The following GRIA3 variants were observed in gnomAD, a reference collection of about 807,000 sequenced individuals.
The protein encoded by GRIA3 is glutamate ionotropic receptor AMPA type subunit 3.
Under a neutral mutation model 63.0 loss-of-function variants are expected in GRIA3, and 3 were observed. That is an observed-to-expected ratio of 0.05 (90% CI 0.02 to 0.12). The LOEUF (loss-of-function observed/expected upper bound fraction) is 0.12. GRIA3 is among the 10% of genes least tolerant of loss of function. The probability of loss-of-function intolerance (pLI) is 1.00; values close to 1 mark genes in which losing one functional copy is unlikely to be tolerated. For missense variants in GRIA3, 347 were observed against 700.9 expected (o/e 0.50, Z 5.70); for synonymous variants, 274 against 257.9 (o/e 1.06, Z -0.60).
intron 13 of GRIA3, among the ~76,000 whole-genome samples, chrX:123,478,763 T>A (rs1268921633): frequency 8.9e-6 from 1 of 112,356 alleles, no homozygotes; most frequent in Non-Finnish European, 1.9e-5. Flanking sequence ...GTTCCATAAA[T>A]TTTTCTGCTG....
In GRIA3 at chrX:123,433,985, G is replaced by A. The variant is rs187289318; in HGVS notation, c.2076+5846G>A. ...AAGGAGTCCCTGCTAATAGCATTTC[G>A]ATTCTGCTTACACATTCACAACCAC... On this transcript the variant is annotated intron_variant, in intron 12 of 15. Coordinates refer to ENST00000620443, the MANE Select transcript of GRIA3 (RefSeq NM_007325.5). Among the ~76,000 whole-genome samples, 315 of 111,807 alleles carry A rather than the reference G, an allele frequency of 2.8e-3. 1 individual carries two copies. Among genetic ancestry groups the A allele is most frequent in the African/African-American group, 1.0e-2 (307 of 30,786 alleles).
At chrX:123,451,860 G>A (rs1484454419) in intron 12 of GRIA3, among the ~76,000 whole-genome samples, 1 of 111,626 alleles carries the variant, frequency 9.0e-6, no homozygotes, top group Non-Finnish European at 1.9e-5. Context: ...GGAGATATCA[G>A]TTAGGTAGAT....
intron 3 of GRIA3, among the ~76,000 whole-genome samples, chrX:123,275,662 C>A (rs7056475): frequency 0.37 from 41,100 of 111,026 alleles, 6,589 homozygotes; most frequent in African/African-American, 0.62. Flanking sequence ...CCTAGAACTA[C>A]GAATTTAAAG....
At chrX:123,257,631 G>A (rs1265286123) in intron 3 of GRIA3, among the ~76,000 whole-genome samples, 1 of 110,353 alleles carries the variant, frequency 9.1e-6, no homozygotes, top group Non-Finnish European at 1.9e-5. Context: ...AAAATTACAG[G>A]GAGAAATTAC....
At chrX:123,195,017 T>A in intron 2 of GRIA3, among the ~76,000 whole-genome samples, 1 of 113,014 alleles carries the variant, frequency 8.8e-6, no homozygotes, top group Admixed American at 9.3e-5. Flanking sequence ...ACAAAGGAAT[T>A]ATTTTCATTT....
intron 12 of GRIA3, among the ~76,000 whole-genome samples, chrX:123,432,564 C>T (rs919298339): frequency 3.6e-5 from 4 of 111,466 alleles, no homozygotes; most frequent in African/African-American, 1.3e-4. Flanking sequence ...TACCTGTGTG[C>T]GTAGGCTGCT....
At chrX:123,383,490 A>C (rs1351152334) in intron 5 of GRIA3, among the ~76,000 whole-genome samples, 2 of 111,086 alleles carry the variant, frequency 1.8e-5, no homozygotes, top group Non-Finnish European at 3.8e-5. Flanking sequence ...TACTTCCGTG[A>C]GATCAAAATT....
intron 4 of GRIA3, among the ~76,000 whole-genome samples, chrX:123,351,651 T>C (rs1250110628): frequency 1.8e-5 from 2 of 111,993 alleles, no homozygotes; most frequent in Non-Finnish European, 3.8e-5. Context: ...TCACTTCCAC[T>C]GCTACTAATG....
chrX:123,309,901 G>A (rs1459139344), intron 3 of GRIA3, among the ~76,000 whole-genome samples: 3 of 111,582 alleles, frequency 2.7e-5, no homozygotes, highest in African/African-American at 9.8e-5. Context: ...AAACTCTCCT[G>A]GAGAGCTTAA....
At position 123,221,871 on chromosome X, in the gene GRIA3, T is replaced by C. The variant is rs1158917310; in HGVS notation, c.269-31432T>C. On this transcript the variant is annotated intron_variant, in intron 2 of 15. Coordinates refer to ENST00000620443, the MANE Select transcript of GRIA3 (RefSeq NM_007325.5). Reference sequence around the variant, plus strand: ...AAAATCCATGTTTTTTCCAAGAAAATGCACCACTTCCCCAAATCACATTCT... The same window carrying C: ...AAAATCCATGTTTTTTCCAAGAAAACGCACCACTTCCCCAAATCACATTCT... Among the ~76,000 whole-genome samples, 10 of 111,334 alleles carry C rather than the reference T, an allele frequency of 9.0e-5. No homozygotes were observed. In the South Asian group the frequency reaches 1.6e-3, roughly 17 times the overall value.
chrX:123,389,169 T>C (rs1229245631), intron 5 of GRIA3, among the ~76,000 whole-genome samples: 2 of 112,447 alleles, frequency 1.8e-5, no homozygotes, highest in Non-Finnish European at 3.8e-5. Context: ...TTCCATGTGC[T>C]GATGAGAAGA....
intron 13 of GRIA3, among the ~76,000 whole-genome samples, chrX:123,473,954 A>C (rs2045875866): frequency 8.9e-6 from 1 of 112,448 alleles, no homozygotes; most frequent in African/African-American, 3.2e-5. Flanking sequence ...CTTCTGGAAT[A>C]ATTAATTAAA....
chrX:123,485,128 A>C (rs188210749), intron 15 of GRIA3, among the ~76,000 whole-genome samples: 51 of 112,858 alleles, frequency 4.5e-4, no homozygotes, highest in Non-Finnish European at 7.7e-4. Flanking sequence ...ATGTTTTTAT[A>C]GGATAATATT....
chrX:123,445,053 C>G (rs1043931849), intron 12 of GRIA3, among the ~76,000 whole-genome samples: 8 of 111,768 alleles, frequency 7.2e-5, no homozygotes, highest in African/African-American at 2.6e-4. Context: ...CACAGTTGAT[C>G]AATTTTCGAA....
chrX:123,415,643 T>C (rs1288661722), intron 10 of GRIA3, among the ~76,000 whole-genome samples: 1 of 111,564 alleles, frequency 9.0e-6, no homozygotes, highest in Non-Finnish European at 1.9e-5. Context: ...GGGGGATAGA[T>C]GGGTTAAATT....
In GRIA3 at chrX:123,341,118, G is replaced by A. The variant is rs62594109; in HGVS notation, c.697-13792G>A. On this transcript the variant is annotated intron_variant, in intron 4 of 15. Coordinates refer to ENST00000620443, the MANE Select transcript of GRIA3 (RefSeq NM_007325.5). ...TTTAGTTAGGGTTGATGGATAAACAGTTGTTATTACTGTCAGTAGGCACAG... is the reference window on the plus strand; with the variant it reads ...TTTAGTTAGGGTTGATGGATAAACAATTGTTATTACTGTCAGTAGGCACAG... Among the ~76,000 whole-genome samples, 468 of 111,987 alleles carry A rather than the reference G, an allele frequency of 4.2e-3. 1 individual carries two copies. The highest frequency in any genetic ancestry group is 0.014 in the Middle Eastern group (3 of 218).
chrX:123,289,203 A>T (rs1228504790), intron 3 of GRIA3, among the ~76,000 whole-genome samples: 5 of 110,574 alleles, frequency 4.5e-5, no homozygotes, highest in Admixed American at 9.7e-5. Context: ...CTCACTCACA[A>T]GTGGGAGTTG....
At chrX:123,294,803 A>G (rs947274558) in intron 3 of GRIA3, among the ~76,000 whole-genome samples, 3 of 111,643 alleles carry the variant, frequency 2.7e-5, no homozygotes, top group African/African-American at 9.7e-5. Flanking sequence ...ATATAATCAA[A>G]GCTTGCATCC....
chrX:123,369,887 TAA>T (rs1224614991), intron 5 of GRIA3, among the ~76,000 whole-genome samples: 1 of 111,545 alleles, frequency 9.0e-6, no homozygotes, highest in Non-Finnish European at 1.9e-5. Context: ...AAAAATGTCT[TAA>T]AAATAATGAG....
Sources: gnomAD v4.1 joint callset for allele counts (sites outside exome capture counted in the v4.1 genomes callset) on GRCh38, gnomAD v4.1.1 for gene constraint, MANE v1.5 for transcripts, NCBI Gene and HGNC (gene_info 2026-07-23, HGNC 2026-07-21) for gene names.